FEM1B: variants seen among roughly 807,000 people sequenced by gnomAD.
The protein encoded by FEM1B is fem-1 homolog B.
In FEM1B, 10 loss-of-function variants were observed where a neutral mutation model predicts 38.6. The observed-to-expected ratio is 0.26, with a 90% CI of 0.16 to 0.44. The LOEUF (loss-of-function observed/expected upper bound fraction) is 0.44, where lower values mean the gene tolerates loss of function less well. FEM1B is among the 20% of genes least tolerant of loss of function. The probability of loss-of-function intolerance (pLI) is 1.00; values close to 1 mark genes in which losing one functional copy is unlikely to be tolerated. For synonymous variants in FEM1B, 288 were observed against 288.0 expected, an observed-to-expected ratio of 1.00 and a Z score of 0.00; for missense variants, 471 against 786.7, an observed-to-expected ratio of 0.60 and a Z score of 4.80.
intron 1 of FEM1B, among the ~76,000 whole-genome samples, chr15:68,287,952 G>A (rs934706817): frequency 4.6e-5 from 7 of 151,020 alleles, no homozygotes; most frequent in African/African-American, 1.7e-4. Context: ...TCTTGCCTCA[G>A]GCTCCTATCT....
rs1892849374 is a variant in FEM1B, at chr15:68,291,684, A to G, written c.*442A>G. 6.2e-6 allele frequency: 1 copy of G among 160,712 alleles called. No homozygotes were observed. The highest frequency in any genetic ancestry group is 1.4e-5 in the Non-Finnish European group (1 of 73,828). 10.0% of individuals were successfully genotyped at this position (160,712 alleles called of 1,614,324 possible). A position where few individuals can be genotyped will look rare whatever the true frequency, so the allele number is the denominator to read the frequency against. On this transcript the variant is annotated 3_prime_UTR_variant, in exon 2 of 2. Coordinates refer to ENST00000306917, the MANE Select transcript of FEM1B (RefSeq NM_015322.5). The surrounding 1 kb of genome is among the most constrained non-coding windows in gnomAD (Gnocchi z 6.9). ...AAAAAGGAACATTAAGAGGAATGGG[A>G]TATCCAGGTGTTCTGCACATGCCAA...
intron 1 of FEM1B, among the ~76,000 whole-genome samples, chr15:68,287,133 C>T (rs563419894): frequency 4.4e-4 from 67 of 152,266 alleles, no homozygotes; most frequent in Non-Finnish European, 8.2e-4. Context: ...TCCGGTGATC[C>T]GCCTGCTTTG....
intron 1 of FEM1B, among the ~76,000 whole-genome samples, chr15:68,286,126 A>G (rs1373100023): frequency 1.3e-5 from 2 of 151,700 alleles, no homozygotes; most frequent in Non-Finnish European, 2.9e-5. Flanking sequence ...CTCCATAACT[A>G]TTTATTAAAA....
chr15:68,287,618 A>C (rs1322405849), intron 1 of FEM1B, among the ~76,000 whole-genome samples: 1 of 152,194 alleles, frequency 6.6e-6, no homozygotes, highest in Non-Finnish European at 1.5e-5. Flanking sequence ...TATATGTCTT[A>C]GTCTGTTCTG....
At chr15:68,283,387 G>A (rs1415787435) in intron 1 of FEM1B, among the ~76,000 whole-genome samples, 1 of 151,274 alleles carries the variant, frequency 6.6e-6, no homozygotes, top group African/African-American at 2.4e-5. Context: ...AACCAGGCCA[G>A]TTGCAGTGGC....
At position 68,290,492 on chromosome 15, in the gene FEM1B, C is replaced by T. The variant is rs1406266638; in HGVS notation, c.1134C>T (p.Asn378=). 1 of 1,614,140 alleles carries T rather than the reference C, an allele frequency of 6.2e-7. No homozygotes were observed. Among genetic ancestry groups the T allele is most frequent in the Admixed American group, 1.7e-5 (1 of 60,024 alleles). ...CCCTGCACCTCAGACAAAAAGGTAA[C>T]AGGAACACCCACAAGGATCTTCTTC... ...LHALHLRQKG[N]RNTHKDLLRF... is the part of the protein sequence containing the mutation. Residue 378 remains asparagine (N), a synonymous_variant, in exon 2 of 2, where the codon AAC becomes AAT. Coordinates refer to ENST00000306917, the MANE Select transcript of FEM1B (RefSeq NM_015322.5). This position sits in a 1 kb window ranked among gnomAD's most constrained non-coding sequence, Gnocchi z 9.7.
At chr15:68,287,938 A>G (rs910695061) in intron 1 of FEM1B, among the ~76,000 whole-genome samples, 8 of 151,376 alleles carry the variant, frequency 5.3e-5, no homozygotes, top group African/African-American at 1.7e-4. Flanking sequence ...GGTTCAAGCA[A>G]TTCTCTTGCC....
chr15:68,290,303 G>T lies in FEM1B; in HGVS notation c.945G>T (p.Glu315Asp). 6.2e-7 allele frequency: 1 copy of T among 1,614,104 alleles called. No individual in the cohort carries two copies. The highest frequency in any genetic ancestry group is 8.5e-7 in the Non-Finnish European group (1 of 1,179,986). ...AATGTAGAAATCCTCAGGAACTGGAGTCCATTCGGCAAGACAGAGATGCTC... is the reference window on the plus strand; with the variant it reads ...AATGTAGAAATCCTCAGGAACTGGATTCCATTCGGCAAGACAGAGATGCTC... ...RTECRNPQEL[E>D]SIRQDRDALH... The change falls in exon 2 of 2, where the codon GAG (glutamate) becomes GAT (aspartate). Residue 315 changes from glutamate (E) to aspartate (D), a missense_variant. This residue lies in a region of FEM1B where 380 missense variants were observed against 599.6 expected (regional missense o/e 0.63). Transcript: ENST00000306917. This position sits in a 1 kb window ranked among gnomAD's most constrained non-coding sequence, Gnocchi z 9.7.
chr15:68,284,528 TATATC>T lies in FEM1B; in HGVS notation c.249-5073_249-5069del, dbSNP rs760133837. Among the ~76,000 whole-genome samples, 1 of 152,318 alleles carries T rather than the reference TATATC, an allele frequency of 6.6e-6. No individual in the cohort carries two copies. The highest frequency in any genetic ancestry group is 1.5e-5 in the Non-Finnish European group (1 of 68,020). On this transcript the variant is annotated intron_variant, in intron 1 of 1. Transcript: ENST00000306917. This position sits in a 1 kb window ranked among gnomAD's most constrained non-coding sequence, Gnocchi z 4.4. ...ATTATATCTGTTTTTTTAGTGGAGG[TATATC>T]ATATCTAGTAAAGTACATGAATCTT...
Position 68,278,195 on chromosome 15 carries a change from C to T in FEM1B, c.-223C>T. On this transcript the variant is annotated 5_prime_UTR_variant, in exon 1 of 2. Transcript: ENST00000306917. The surrounding 1 kb of genome is among the most constrained non-coding windows in gnomAD (Gnocchi z 5.7). ...GGCGGGCGGCCCTGACCGCCTTCCT[C>T]CCTGCGCGGGCTGGGTCGCGGACGT... 1.8e-6 allele frequency: 1 copy of T among 569,156 alleles called. No homozygotes were observed. 35.3% of individuals were successfully genotyped at this position (569,156 alleles called of 1,614,324 possible).
In FEM1B at chr15:68,281,630, T is replaced by G. The variant is rs1468755518; in HGVS notation, c.248+2965T>G. Among the ~76,000 whole-genome samples, 1 of 152,192 alleles carries G rather than the reference T, an allele frequency of 6.6e-6. No homozygotes were observed. The highest frequency in any genetic ancestry group is 1.5e-5 in the Non-Finnish European group (1 of 68,030). On this transcript the variant is annotated intron_variant, in intron 1 of 1. Coordinates refer to ENST00000306917, the MANE Select transcript of FEM1B (RefSeq NM_015322.5). The surrounding 1 kb of genome is among the most constrained non-coding windows in gnomAD (Gnocchi z 5.1). The stretch of plus-strand genomic sequence containing the variant: ...ATATTTGAGTTCTTGTTCACTTTTT[T>G]TTTTTGAGACGGAGTCTCGCTCTGT...
At chr15:68,286,459 C>G (rs1385797827) in intron 1 of FEM1B, among the ~76,000 whole-genome samples, 2 of 149,200 alleles carry the variant, frequency 1.3e-5, no homozygotes, top group Non-Finnish European at 3.0e-5. Flanking sequence ...TCATTGTAGC[C>G]TCGACCTCTT....
At chr15:68,282,533 C>G (rs550505779) in intron 1 of FEM1B, among the ~76,000 whole-genome samples, 73 of 152,224 alleles carry the variant, frequency 4.8e-4, no homozygotes, top group Non-Finnish European at 8.8e-4. Context: ...TGAGCTCAGC[C>G]TTGTGATCAG....
Position 68,284,214 on chromosome 15 carries a change from C to T in FEM1B, c.249-5393C>T, listed in dbSNP as rs1173457199. 1.3e-5 allele frequency among the ~76,000 whole-genome samples: 2 copies of T among 151,934 alleles called. No homozygotes were observed. Among genetic ancestry groups the T allele is most frequent in the African/African-American group, 2.4e-5 (1 of 41,366 alleles). On this transcript the variant is annotated intron_variant, in intron 1 of 1. Transcript: ENST00000306917. The surrounding 1 kb of genome is among the most constrained non-coding windows in gnomAD (Gnocchi z 4.4). ...TATAAACTTTTTAGTTATTTATCTG[C>T]ATAATAGTTAATATTATAACTATAA...
chr15:68,285,927 CT>C (rs34999248), intron 1 of FEM1B, among the ~76,000 whole-genome samples: 4,585 of 133,190 alleles, frequency 0.034, 193 homozygotes, highest in African/African-American at 0.11. Context: ...ACGGTTAATG[CT>C]TTTTTTTTTT....
chr15:68,287,812 G>A (rs1384720094), intron 1 of FEM1B, among the ~76,000 whole-genome samples: 3 of 151,710 alleles, frequency 2.0e-5, no homozygotes, highest in Non-Finnish European at 2.9e-5. Flanking sequence ...GCAAGCCAGC[G>A]GAACGTTGCT....
rs904163844 is a variant in FEM1B, at chr15:68,278,307, G to T, written c.-111G>T. Reference sequence around the variant, plus strand: ...GGCGCGGCGGCGGCGACGGCGCCCTGTTGAATGGGCTGTGAGGGCCCAGGT... The same window carrying T: ...GGCGCGGCGGCGGCGACGGCGCCCTTTTGAATGGGCTGTGAGGGCCCAGGT... On this transcript the variant is annotated 5_prime_UTR_variant, in exon 1 of 2. Transcript: ENST00000306917. This position sits in a 1 kb window ranked among gnomAD's most constrained non-coding sequence, Gnocchi z 5.7. The T allele has an allele frequency of 2.1e-6, 3 of 1,411,316 alleles. No individual in the cohort carries two copies. Among genetic ancestry groups the T allele is most frequent in the East Asian group, 2.5e-5 (1 of 39,976 alleles). The allele number at this position is 1,411,316 out of a possible 1,614,324, so 87.4% of individuals were successfully genotyped here.
rs1892816558 is a variant in FEM1B at position 68,288,841 on chromosome 15, CTAATTA to C, written c.249-762_249-757del. Among the ~76,000 whole-genome samples, 1 of 152,104 alleles carries C rather than the reference CTAATTA, an allele frequency of 6.6e-6. No individual in the cohort carries two copies. On this transcript the variant is annotated intron_variant, in intron 1 of 1. Coordinates refer to ENST00000306917, the MANE Select transcript of FEM1B (RefSeq NM_015322.5). The surrounding 1 kb of genome is among the most constrained non-coding windows in gnomAD (Gnocchi z 4.6). The stretch of plus-strand genomic sequence containing the variant: ...ATAACGTAACTTAGAGAAAAATGCA[CTAATTA>C]TAAATATATAAAAATTTCACAAAGT...
chr15:68,281,586 C>T lies in FEM1B; in HGVS notation c.248+2921C>T, dbSNP rs1892727496. 6.6e-6 allele frequency among the ~76,000 whole-genome samples: 1 copy of T among 152,148 alleles called. No individual in the cohort carries two copies. Among genetic ancestry groups the T allele is most frequent in the African/African-American group, 2.4e-5 (1 of 41,418 alleles). On this transcript the variant is annotated intron_variant, in intron 1 of 1. Transcript: ENST00000306917. The surrounding 1 kb of genome is among the most constrained non-coding windows in gnomAD (Gnocchi z 5.1). The stretch of plus-strand genomic sequence containing the variant: ...GAGCCTCGAGGGGAAAGGGACCACC[C>T]ACCTAGATTAAGCCATTGATATTTG...
Sources: allele counts gnomAD v4.1 joint callset (sites outside exome capture counted in the v4.1 genomes callset), GRCh38; gene constraint gnomAD v4.1.1; regional missense constraint gnomAD v4.1.1; non-coding constraint Gnocchi (gnomAD v3.1); transcripts MANE v1.5; gene names NCBI Gene and HGNC (gene_info 2026-07-23, HGNC 2026-07-21).